The following NTS variants were observed in gnomAD, a reference collection of about 807,000 sequenced individuals.
The protein encoded by NTS is neurotensin.
NTS carries 20 observed loss-of-function variants against 19.5 expected under a neutral mutation model. The observed-to-expected ratio is 1.02, with a 90% CI of 0.72 to 1.49. The LOEUF (loss-of-function observed/expected upper bound fraction) is 1.49. Among genes scored for constraint, NTS ranks in the 40% most tolerant of loss-of-function variants. NTS has a pLI of 0.00. For missense variants in NTS, 215 were observed against 193.1 expected (o/e 1.11, Z -0.67); for synonymous variants, 71 against 63.3 (o/e 1.12, Z -0.58).
At chr12:85,877,546 G>A (rs907569635) in intron 2 of NTS, among the ~76,000 whole-genome samples, 1 of 151,844 alleles carries the variant, frequency 6.6e-6, no homozygotes, top group Non-Finnish European at 1.5e-5. Flanking sequence ...GGATGTGCAG[G>A]TTTGTTAGAT....
intron 3 of NTS, among the ~76,000 whole-genome samples, chr12:85,880,192 G>A (rs1881470581): frequency 6.6e-6 from 1 of 151,862 alleles, no homozygotes; most frequent in Admixed American, 6.6e-5. Flanking sequence ...AAAACTTAGT[G>A]TGTAATAATG....
chr12:85,875,611 T>C (rs1017795328), intron 1 of NTS, among the ~76,000 whole-genome samples: 39 of 152,090 alleles, frequency 2.6e-4, no homozygotes, highest in Non-Finnish European at 3.8e-4. Context: ...CTGAAAGTTA[T>C]ATGAGATTAA....
At chr12:85,876,915 T>C (rs1592549042) in intron 2 of NTS, among the ~76,000 whole-genome samples, 1 of 152,102 alleles carries the variant, frequency 6.6e-6, no homozygotes, top group East Asian at 1.9e-4. Flanking sequence ...AATCAGCATG[T>C]TGCAATTTTA....
chr12:85,879,048 AAAATATATTTTTATGTAT>A (rs1367600609), intron 3 of NTS, among the ~76,000 whole-genome samples: 3 of 130,612 alleles, frequency 2.3e-5, no homozygotes, highest in Non-Finnish European at 5.4e-5. Context: ...TTATGTACAT[AAAATATATTTTTATGTAT>A]ATTTTAATGT....
rs1195657638 is a variant in NTS at position 85,882,885 on chromosome 12, A to G, written c.*510A>G. On this transcript the variant is annotated 3_prime_UTR_variant, in exon 4 of 4. Transcript: ENST00000256010. Reference sequence around the variant, plus strand: ...ATAGGAACAGCTGAAAGATTGATTAATGAACTATTGTTAATTCTTCCTATT... The same window carrying G: ...ATAGGAACAGCTGAAAGATTGATTAGTGAACTATTGTTAATTCTTCCTATT... 1 of 152,130 alleles carries G rather than the reference A, an allele frequency of 6.6e-6. No individual in the cohort carries two copies. Among genetic ancestry groups the G allele is most frequent in the East Asian group, 1.9e-4 (1 of 5,198 alleles). The allele number at this position is 152,130 out of a possible 1,614,324, so 9.4% of individuals were successfully genotyped here.
At chr12:85,874,596 C>T in intron 1 of NTS, 120 bp downstream of exon 1, 1 of 592,604 alleles carries the variant, frequency 1.7e-6, no homozygotes, top group Non-Finnish European at 3.0e-6. Context: ...TCAGGATTTA[C>T]CTTTTAGTGA....
Position 85,882,258 on chromosome 12 carries a change from C to A in NTS, c.396C>A (p.Asp132Glu). The A allele has an allele frequency of 1.2e-6, 2 of 1,602,826 alleles. No homozygotes were observed. The highest frequency in any genetic ancestry group is 8.5e-7 in the Non-Finnish European group (1 of 1,175,714). Residue 132 changes from aspartate to glutamate, a missense_variant, in exon 4 of 4, where the codon GAC becomes GAA. Coordinates refer to ENST00000256010, the MANE Select transcript of NTS (RefSeq NM_006183.5). Reference protein sequence around the residue: ...IQEDILDTGNDKNGKEEVIKR... With the variant: ...IQEDILDTGNEKNGKEEVIKR... ...AAGATATTCTTGATACTGGAAATGACAAAAATGGAAAGGAAGAAGTCATAA... is the reference window on the plus strand; with the variant it reads ...AAGATATTCTTGATACTGGAAATGAAAAAAATGGAAAGGAAGAAGTCATAA...
intron 3 of NTS, among the ~76,000 whole-genome samples, chr12:85,881,393 A>G (rs1174915023): frequency 2.6e-5 from 4 of 152,292 alleles, no homozygotes; most frequent in Middle Eastern, 3.4e-3. Context: ...TATCTTTAAC[A>G]TATTTTTAAA....
At chr12:85,876,055 A>T (rs963113692) in intron 1 of NTS, among the ~76,000 whole-genome samples, 1 of 151,882 alleles carries the variant, frequency 6.6e-6, no homozygotes, top group Non-Finnish European at 1.5e-5. Flanking sequence ...CAATTTCCTT[A>T]AATGCCTATG....
intron 3 of NTS, among the ~76,000 whole-genome samples, chr12:85,879,576 T>A (rs180894651): frequency 1.3e-4 from 6 of 44,554 alleles, no homozygotes; most frequent in South Asian, 3.9e-4. Context: ...AATATATTTT[T>A]TGTATATTTT....
chr12:85,875,759 T>C (rs1463335957), intron 1 of NTS, among the ~76,000 whole-genome samples: 1 of 152,044 alleles, frequency 6.6e-6, no homozygotes, highest in African/African-American at 2.4e-5. Context: ...AAACAGATTA[T>C]GTCTCTAACA....
chr12:85,882,052 G>A (rs990283592), intron 3 of NTS, among the ~76,000 whole-genome samples, 171 bp from the exon 4 acceptor site: 1 of 151,692 alleles, frequency 6.6e-6, no homozygotes, highest in Non-Finnish European at 1.5e-5. Context: ...TTCAGCCACT[G>A]AATGGCCGTC....
chr12:85,879,771 A>G (rs1488250701), intron 3 of NTS, among the ~76,000 whole-genome samples: 2 of 136,940 alleles, frequency 1.5e-5, no homozygotes, highest in Non-Finnish European at 3.1e-5. Flanking sequence ...TTTTGTATAT[A>G]AAATATATTT....
Position 85,882,227 on chromosome 12 carries a change from T to A in NTS, c.365T>A (p.Ile122Asn), listed in dbSNP as rs75346285. The change falls in exon 4 of 4, where the codon ATC becomes AAC. Residue 122 changes from isoleucine to asparagine, a missense_variant. Ile to Asn is a moderately radical substitution (Grantham distance 149). Coordinates refer to ENST00000256010, the MANE Select transcript of NTS (RefSeq NM_006183.5). ...TATTTTATCTCTATCTTGCAGTTAA[T>A]CCAGGAAGATATTCTTGATACTGGA... ...HSRAFQHWEL[I>N]QEDILDTGND... 3.8e-6 allele frequency: 6 copies of A among 1,591,506 alleles called. No individual in the cohort carries two copies. In the East Asian group the frequency reaches 1.3e-4, roughly 36 times the overall value.
intron 2 of NTS, 80 bp from the exon 3 acceptor site, chr12:85,878,265 A>C: frequency 1.0e-6 from 1 of 975,744 alleles, no homozygotes. Flanking sequence ...CCTAAATGTG[A>C]TGGTTTAGCA....
intron 1 of NTS, among the ~76,000 whole-genome samples, chr12:85,875,631 T>A (rs1881324572): frequency 6.6e-6 from 1 of 152,064 alleles, no homozygotes; most frequent in African/African-American, 2.4e-5. Context: ...AAGATTCACA[T>A]ACTTCTGGAA....
chr12:85,875,152 T>C (rs1210095715), intron 1 of NTS, among the ~76,000 whole-genome samples: 1 of 152,138 alleles, frequency 6.6e-6, no homozygotes, highest in East Asian at 1.9e-4. Context: ...TATTCTTATA[T>C]TGATGGAAAT....
At chr12:85,877,797 T>A (rs986431014) in intron 2 of NTS, among the ~76,000 whole-genome samples, 1 of 152,172 alleles carries the variant, frequency 6.6e-6, no homozygotes, top group Non-Finnish European at 1.5e-5. Context: ...GAAAATGGGA[T>A]AAGTTAGGTG....
intron 2 of NTS, among the ~76,000 whole-genome samples, chr12:85,877,378 C>T (rs960901597): frequency 2.7e-5 from 4 of 150,204 alleles, no homozygotes; most frequent in African/African-American, 9.8e-5. Flanking sequence ...CTCCCTATAA[C>T]AAACATGTTA....
Sources: allele counts gnomAD v4.1 joint callset (sites outside exome capture counted in the v4.1 genomes callset), GRCh38; gene constraint gnomAD v4.1.1; transcripts MANE v1.5; gene names NCBI Gene and HGNC (gene_info 2026-07-23, HGNC 2026-07-21).